Variants in C11orf58 observed in about 807,000 individuals in gnomAD.
C11orf58 encodes small acidic protein.
C11orf58 carries 5 observed loss-of-function variants against 22.7 expected under a neutral mutation model. The observed-to-expected ratio is 0.22, with a 90% CI of 0.12 to 0.46. The LOEUF (loss-of-function observed/expected upper bound fraction) is 0.46. C11orf58 is among the 20% of genes least tolerant of loss of function. The probability of loss-of-function intolerance (pLI) is 0.99; values close to 1 mark genes in which losing one functional copy is unlikely to be tolerated. For missense variants in C11orf58, 151 were observed against 223.3 expected (o/e 0.68, Z 2.06); for synonymous variants, 71 against 70.7 (o/e 1.00, Z -0.02).
intron 1 of C11orf58, 88 bp downstream of exon 1, chr11:16,738,929 G>C: frequency 6.9e-7 from 1 of 1,448,434 alleles, no homozygotes; most frequent in East Asian, 2.3e-5. Context: ...GGACGCGCCT[G>C]AGGTGGCCTG....
At chr11:16,738,905 G>T in intron 1 of C11orf58, 64 bp downstream of exon 1, 4 of 1,596,396 alleles carry the variant, frequency 2.5e-6, no homozygotes, top group Non-Finnish European at 3.4e-6. Context: ...AGGCCGGGAA[G>T]GGTGGTTGGA....
chr11:16,739,487 T>C (rs1848426786), intron 1 of C11orf58: 2 of 152,806 alleles, frequency 1.3e-5, no homozygotes, highest in Non-Finnish European at 2.9e-5. Context: ...GCCGTTCCCT[T>C]CCTCAGCCCT....
chr11:16,757,122 CAT>C lies in C11orf58; in HGVS notation c.*2021_*2022del, dbSNP rs71670354. Among the ~76,000 whole-genome samples the C allele has an allele frequency of 0.17, 25,743 of 151,708 alleles. 2,737 individuals carry two copies. The highest frequency in any genetic ancestry group is 0.31 in the East Asian group (1,606 of 5,136). Reference sequence around the variant, plus strand: ...TTGAATCACTTTATAGTAGACAATACATATGACATTTAACAAATACTTGGTTT... The same window carrying C: ...TTGAATCACTTTATAGTAGACAATACATGACATTTAACAAATACTTGGTTT... On this transcript the variant is annotated 3_prime_UTR_variant, in exon 5 of 5. Coordinates refer to ENST00000228136, the MANE Select transcript of C11orf58 (RefSeq NM_014267.6).
intron 3 of C11orf58, chr11:16,748,703 C>T (rs1848507712): frequency 6.6e-6 from 1 of 151,700 alleles, no homozygotes; most frequent in Admixed American, 6.6e-5. Flanking sequence ...CAAGATAGCA[C>T]CATTGCACTC....
chr11:16,740,311 G>A (rs1439276867), intron 1 of C11orf58, among the ~76,000 whole-genome samples: 2 of 152,240 alleles, frequency 1.3e-5, no homozygotes, highest in South Asian at 2.1e-4. Flanking sequence ...AAGTCATTAA[G>A]TTTACAGCTT....
At chr11:16,748,371 T>G in intron 3 of C11orf58, 1 of 419,542 alleles carries the variant, frequency 2.4e-6, no homozygotes, top group Non-Finnish European at 4.4e-6. Context: ...GAGGCTGCAA[T>G]GAAGCTATGA....
chr11:16,754,000 C>T, intron 4 of C11orf58: 1 of 452,948 alleles, frequency 2.2e-6, no homozygotes, highest in Non-Finnish European at 4.0e-6. Flanking sequence ...GGCCAGGGCA[C>T]ATTTTTAATA....
intron 2 of C11orf58, chr11:16,747,165 G>A (rs974809546): frequency 6.6e-6 from 1 of 152,174 alleles, no homozygotes; most frequent in African/African-American, 2.4e-5. Flanking sequence ...GTTAATGGCT[G>A]TCAGTTTTGC....
At chr11:16,742,939 A>G (rs1212975169) in intron 1 of C11orf58, among the ~76,000 whole-genome samples, 2 of 152,160 alleles carry the variant, frequency 1.3e-5, no homozygotes, top group African/African-American at 4.8e-5. Context: ...TGAGAATAGG[A>G]AAAATCAGCC....
intron 2 of C11orf58, 28 bp downstream of exon 2, chr11:16,744,712 C>T: frequency 6.3e-7 from 1 of 1,594,720 alleles, no homozygotes; most frequent in Non-Finnish European, 8.6e-7. Flanking sequence ...TGCATTTTTA[C>T]CTTTTCTGTG....
intron 3 of C11orf58, chr11:16,750,704 A>G (rs1038518908): frequency 6.5e-6 from 1 of 154,208 alleles, no homozygotes; most frequent in Non-Finnish European, 1.5e-5. Flanking sequence ...GAGGATGTGC[A>G]TGAGGATATA....
chr11:16,753,761 G>A, intron 4 of C11orf58: 2 of 398,234 alleles, frequency 5.0e-6, no homozygotes, highest in Non-Finnish European at 8.8e-6. Context: ...TTTTGAGACA[G>A]GTTCTCACTC....
chr11:16,739,390 G>A (rs1390785223), intron 1 of C11orf58: 1 of 156,794 alleles, frequency 6.4e-6, no homozygotes, highest in Non-Finnish European at 1.4e-5. Flanking sequence ...GGCTCTGGTG[G>A]TGAGGTCTAA....
intron 1 of C11orf58, among the ~76,000 whole-genome samples, chr11:16,740,905 A>T (rs1848442247): frequency 6.6e-6 from 1 of 151,632 alleles, no homozygotes; most frequent in Non-Finnish European, 1.5e-5. Flanking sequence ...CATCCTGGCT[A>T]ACACAGTGAA....
At chr11:16,739,340 T>C (rs746979839) in intron 1 of C11orf58, 8 of 159,812 alleles carry the variant, frequency 5.0e-5, no homozygotes, top group Admixed American at 1.8e-4. Flanking sequence ...CCGAGAACAG[T>C]ATTGAGCCGA....
Position 16,756,289 on chromosome 11 carries a change from A to C in C11orf58, c.*1185A>C, listed in dbSNP as rs1848576701. 19 of 72,264 alleles carry C rather than the reference A, an allele frequency of 2.6e-4. No homozygotes were observed. In the South Asian group the frequency reaches 8.4e-3, roughly 32 times the overall value. 4.5% of individuals were successfully genotyped at this position (72,264 alleles called of 1,614,324 possible). A position where few individuals can be genotyped will look rare whatever the true frequency, so the allele number is the denominator to read the frequency against. Reference sequence around the variant, plus strand: ...TTTTTTTTTTTTTTTTTTTTTTTTGAGACGGAGTCTCATTCTGTCGCCCAG... The same window carrying C: ...TTTTTTTTTTTTTTTTTTTTTTTTGCGACGGAGTCTCATTCTGTCGCCCAG... On this transcript the variant is annotated 3_prime_UTR_variant, in exon 5 of 5. Transcript: ENST00000228136.
chr11:16,744,583 A>G lies in C11orf58; in HGVS notation c.64-18A>G, dbSNP rs1452927712. 1.2e-6 allele frequency: 2 copies of G among 1,610,294 alleles called. No homozygotes were observed. The highest frequency in any genetic ancestry group is 1.7e-6 in the Non-Finnish European group (2 of 1,178,114). ...ATTTTTATGCAAAAAAAATTTAATCAACCAATTTTTTTTCTAGCTGGGATC... is the reference window on the plus strand; with the variant it reads ...ATTTTTATGCAAAAAAAATTTAATCGACCAATTTTTTTTCTAGCTGGGATC... On this transcript the variant is annotated intron_variant, in intron 1 of 4. Transcript: ENST00000228136.
At position 16,741,651 on chromosome 11, in the gene C11orf58, C is replaced by T. The variant is rs546353421; in HGVS notation, c.63+2810C>T. Reference sequence around the variant, plus strand: ...AAAGCTTCATCTGTATTTACAGCCACTCCCCTTGGCTTGCATTACCACCTG... The same window carrying T: ...AAAGCTTCATCTGTATTTACAGCCATTCCCCTTGGCTTGCATTACCACCTG... On this transcript the variant is annotated intron_variant, in intron 1 of 4. Coordinates refer to ENST00000228136, the MANE Select transcript of C11orf58 (RefSeq NM_014267.6). Among the ~76,000 whole-genome samples, 9 of 152,342 alleles carry T rather than the reference C, an allele frequency of 5.9e-5. No individual in the cohort carries two copies. The South Asian group carries it at 1.9e-3, about 32-fold the overall frequency.
intron 3 of C11orf58, chr11:16,750,643 A>G (rs188201412): frequency 3.2e-4 from 49 of 154,244 alleles, no homozygotes; most frequent in African/African-American, 1.0e-3. Context: ...TGAGTCTACC[A>G]GTGTTGACAG....
Sources: gnomAD v4.1 joint callset for allele counts (sites outside exome capture counted in the v4.1 genomes callset) on GRCh38, gnomAD v4.1.1 for gene constraint, MANE v1.5 for transcripts, NCBI Gene and HGNC (gene_info 2026-07-23, HGNC 2026-07-21) for gene names.